The following LRRTM4 variants were observed in gnomAD, a reference collection of about 807,000 sequenced individuals.
The protein encoded by LRRTM4 is leucine rich repeat transmembrane neuronal 4.
In LRRTM4, 25 loss-of-function variants were observed where a neutral mutation model predicts 47.6. The observed-to-expected ratio is 0.53, with a 90% CI of 0.38 to 0.73. The LOEUF (loss-of-function observed/expected upper bound fraction) is 0.73, where lower values mean the gene tolerates loss of function less well. Among genes scored for constraint, LRRTM4 ranks in the 30% least tolerant of loss-of-function variants. The pLI, the probability that LRRTM4 is intolerant of heterozygous loss-of-function variation, is 0.00. For synonymous variants in LRRTM4, 311 were observed against 269.5 expected, an observed-to-expected ratio of 1.15 and a Z score of -1.51; for missense variants, 638 against 713.4, an observed-to-expected ratio of 0.89 and a Z score of 1.20.
At chr2:76,942,281 T>A (rs929584567) in intron 3 of LRRTM4, among the ~76,000 whole-genome samples, 1 of 152,214 alleles carries the variant, frequency 6.6e-6, no homozygotes, top group African/African-American at 2.4e-5. Flanking sequence ...TGATGATAGT[T>A]TCTTTTGCTG....
intron 3 of LRRTM4, among the ~76,000 whole-genome samples, chr2:77,088,832 A>C (rs187963595): frequency 0.014 from 2,181 of 152,268 alleles, 53 homozygotes; most frequent in African/African-American, 0.05. Flanking sequence ...GGTAAGCGGC[A>C]TCTTTTTACT....
intron 3 of LRRTM4, among the ~76,000 whole-genome samples, chr2:77,214,140 G>A (rs1332827377): frequency 6.6e-6 from 1 of 152,120 alleles, no homozygotes; most frequent in African/African-American, 2.4e-5. Context: ...TTACTTGAGA[G>A]TACATGATCT....
intron 3 of LRRTM4, among the ~76,000 whole-genome samples, chr2:76,958,192 G>C (rs2103904848): frequency 6.6e-6 from 1 of 151,828 alleles, no homozygotes; most frequent in South Asian, 2.1e-4. Flanking sequence ...TGCACTCAGT[G>C]GCCAGGCAGA....
chr2:76,876,620 G>A (rs1232886658), intron 3 of LRRTM4, among the ~76,000 whole-genome samples: 5 of 151,920 alleles, frequency 3.3e-5, no homozygotes, highest in African/African-American at 9.7e-5. Context: ...AGAAAGTAGA[G>A]CATAATTCTT....
At chr2:77,030,777 A>T (rs904722530) in intron 3 of LRRTM4, among the ~76,000 whole-genome samples, 1 of 152,220 alleles carries the variant, frequency 6.6e-6, no homozygotes, top group African/African-American at 2.4e-5. Flanking sequence ...GCTAAAGACT[A>T]TTGGCAATCT....
At chr2:76,892,471 G>T (rs1015941967) in intron 3 of LRRTM4, among the ~76,000 whole-genome samples, 5 of 151,324 alleles carry the variant, frequency 3.3e-5, no homozygotes, top group African/African-American at 1.2e-4. Flanking sequence ...ACAGATTTTG[G>T]GAAGAACAAA....
chr2:77,059,810 A>G (rs1437638964), intron 3 of LRRTM4, among the ~76,000 whole-genome samples: 3 of 152,206 alleles, frequency 2.0e-5, no homozygotes, highest in Non-Finnish European at 4.4e-5. Flanking sequence ...CGCTTTTTAC[A>G]TTAAATATAT....
intron 3 of LRRTM4, among the ~76,000 whole-genome samples, chr2:76,782,580 G>T (rs191161740): frequency 6.6e-6 from 1 of 152,250 alleles, no homozygotes; most frequent in East Asian, 1.9e-4. Flanking sequence ...ATTTAATACT[G>T]CATCTTTACA....
chr2:76,827,301 A>T (rs1174706086), intron 3 of LRRTM4, among the ~76,000 whole-genome samples: 1 of 151,850 alleles, frequency 6.6e-6, no homozygotes, highest in Non-Finnish European at 1.5e-5. Flanking sequence ...ATTTCTGAGC[A>T]CATGAAGAGA....
intron 3 of LRRTM4, among the ~76,000 whole-genome samples, chr2:76,784,461 G>A (rs1674566390): frequency 6.6e-6 from 1 of 151,912 alleles, no homozygotes; most frequent in East Asian, 1.9e-4. Flanking sequence ...CATATACATA[G>A]ATATATTATA....
chr2:77,167,190 C>T (rs1173086425), intron 3 of LRRTM4, among the ~76,000 whole-genome samples: 1 of 152,162 alleles, frequency 6.6e-6, no homozygotes. Context: ...AGCTAACAGA[C>T]TCATGAAAAA....
At chr2:76,798,391 T>C (rs146144575) in intron 3 of LRRTM4, among the ~76,000 whole-genome samples, 4,124 of 151,688 alleles carry the variant, frequency 0.027, 184 homozygotes, top group African/African-American at 0.081. Context: ...AAGGATGTTC[T>C]TTGAAACCAA....
chr2:77,478,276 T>A (rs1195024096), intron 3 of LRRTM4, among the ~76,000 whole-genome samples: 4 of 152,310 alleles, frequency 2.6e-5, no homozygotes, highest in Non-Finnish European at 5.9e-5. Context: ...TTACAAAACA[T>A]GATTTAAGAT....
At chr2:77,429,349 A>G (rs964518341) in intron 3 of LRRTM4, among the ~76,000 whole-genome samples, 1 of 152,142 alleles carries the variant, frequency 6.6e-6, no homozygotes, top group Non-Finnish European at 1.5e-5. Flanking sequence ...TCACTACTTA[A>G]TATATATCCA....
intron 3 of LRRTM4, among the ~76,000 whole-genome samples, chr2:77,397,949 A>G (rs723339): frequency 0.032 from 4,919 of 151,822 alleles, 272 homozygotes; most frequent in African/African-American, 0.11. Context: ...CATTCTTGAA[A>G]AGGTGCTGGC....
At chr2:77,027,795 T>C (rs1558536784) in intron 3 of LRRTM4, among the ~76,000 whole-genome samples, 1 of 152,286 alleles carries the variant, frequency 6.6e-6, no homozygotes, top group South Asian at 2.1e-4. Context: ...ACATTAATTA[T>C]AGCATGTTTG....
chr2:77,457,969 G>T (rs1404219241), intron 3 of LRRTM4, among the ~76,000 whole-genome samples: 1 of 152,170 alleles, frequency 6.6e-6, no homozygotes, highest in Non-Finnish European at 1.5e-5. Flanking sequence ...GAGAAAGGAA[G>T]TCAGGATAGA....
chr2:76,767,772 T>C (rs1465618034), intron 3 of LRRTM4, among the ~76,000 whole-genome samples: 1 of 152,218 alleles, frequency 6.6e-6, no homozygotes, highest in Non-Finnish European at 1.5e-5. Context: ...CTTTTATTTT[T>C]ACATGCCTCT....
intron 3 of LRRTM4, among the ~76,000 whole-genome samples, chr2:77,067,939 A>C (rs1243971909): frequency 6.6e-6 from 1 of 152,186 alleles, no homozygotes; most frequent in African/African-American, 2.4e-5. Flanking sequence ...GACATTTCTT[A>C]AAGTATCATA....
Sources: gnomAD v4.1 joint callset for allele counts (sites outside exome capture counted in the v4.1 genomes callset) on GRCh38, gnomAD v4.1.1 for gene constraint, MANE v1.5 for transcripts, NCBI Gene and HGNC (gene_info 2026-07-23, HGNC 2026-07-21) for gene names.